Variants in CDH18 observed in about 807,000 individuals in gnomAD.
The protein encoded by CDH18 is cadherin 18, also known as cadherin-18.
Under a neutral mutation model 67.9 loss-of-function variants are expected in CDH18, and 31 were observed. The ratio of observed to expected loss-of-function variants is 0.46; its 90% confidence interval spans 0.34 to 0.62. CDH18 has a LOEUF of 0.62. Ranked by LOEUF, CDH18 falls within the 20% of genes least tolerant of loss-of-function variation. The pLI is 0.01. For synonymous variants in CDH18, 362 were observed against 347.2 expected, an observed-to-expected ratio of 1.04 and a Z score of -0.48; for missense variants, 890 against 975.5, an observed-to-expected ratio of 0.91 and a Z score of 1.17.
intron 4 of CDH18, among the ~76,000 whole-genome samples, chr5:19,733,213 A>G (rs1298893944): frequency 6.6e-6 from 1 of 152,186 alleles, no homozygotes; most frequent in Non-Finnish European, 1.5e-5. Context: ...CACAGACCAG[A>G]TAGAGAACCT....
chr5:19,758,819 C>T lies in CDH18; in HGVS notation c.229-11583G>A, dbSNP rs368079451. Among the ~76,000 whole-genome samples the T allele has an allele frequency of 1.3e-4, 20 of 152,316 alleles. No individual in the cohort carries two copies. The East Asian group carries it at 1.7e-3, about 13-fold the overall frequency. Reference sequence around the variant, plus strand: ...TGGATTTATTCCCCATCCTCTGGCACGCAAATGTCTCACCAATAAGTCCAC... The same window carrying T: ...TGGATTTATTCCCCATCCTCTGGCATGCAAATGTCTCACCAATAAGTCCAC... On this transcript the variant is annotated intron_variant, in intron 3 of 12. Transcript: ENST00000382275.
chr5:20,013,652 T>C (rs1270148802), intron 2 of CDH18, among the ~76,000 whole-genome samples: 3 of 152,116 alleles, frequency 2.0e-5, no homozygotes, highest in African/African-American at 4.8e-5. Flanking sequence ...ATTTTCTCAA[T>C]TTAGATGTAT....
intron 5 of CDH18, among the ~76,000 whole-genome samples, chr5:19,637,362 A>T (rs1239949625): frequency 6.6e-6 from 1 of 151,742 alleles, no homozygotes; most frequent in Admixed American, 6.6e-5. Flanking sequence ...CACGGCTGCC[A>T]TGCCAACTCG....
intron 2 of CDH18, among the ~76,000 whole-genome samples, chr5:20,232,868 T>C (rs1216941777): frequency 6.6e-6 from 1 of 152,030 alleles, no homozygotes; most frequent in Non-Finnish European, 1.5e-5. Context: ...CTATTTATAA[T>C]TTTGACTTTG....
intron 1 of CDH18, among the ~76,000 whole-genome samples, chr5:20,456,264 A>T (rs977922345): frequency 4.6e-5 from 7 of 152,108 alleles, no homozygotes; most frequent in Non-Finnish European, 5.9e-5. Context: ...AGAAATAAAT[A>T]TGTCCTTATT....
At chr5:19,870,165 C>T (rs1786087348) in intron 2 of CDH18, among the ~76,000 whole-genome samples, 1 of 152,036 alleles carries the variant, frequency 6.6e-6, no homozygotes, top group South Asian at 2.1e-4. Flanking sequence ...TTTTTGACAA[C>T]CAATATATTC....
chr5:20,004,009 G>A (rs753620117), intron 2 of CDH18, among the ~76,000 whole-genome samples: 3 of 152,110 alleles, frequency 2.0e-5, no homozygotes, highest in Non-Finnish European at 4.4e-5. Context: ...CTAATATATC[G>A]TTTTTTGTAT....
intron 1 of CDH18, among the ~76,000 whole-genome samples, chr5:20,344,453 A>C (rs918225739): frequency 1.3e-5 from 2 of 151,992 alleles, no homozygotes; most frequent in Non-Finnish European, 2.9e-5. Context: ...CATTCCCATG[A>C]CAGAAAGAGC....
rs573554584 is a variant in CDH18 at position 19,820,288 on chromosome 5, C to T, written c.228+18471G>A. ...AGAACACCCAGAGTGACCTAGCAAT[C>T]CGGGCACAGAAGGTTTGGCACAAAA... On this transcript the variant is annotated intron_variant, in intron 3 of 12. Transcript: ENST00000382275. 1.1e-4 allele frequency among the ~76,000 whole-genome samples: 17 copies of T among 152,266 alleles called. No homozygotes were observed. In the East Asian group the frequency reaches 3.1e-3, roughly 28 times the overall value.
At chr5:20,071,245 G>T (rs564320021) in intron 2 of CDH18, among the ~76,000 whole-genome samples, 1 of 152,110 alleles carries the variant, frequency 6.6e-6, no homozygotes, top group East Asian at 1.9e-4. Flanking sequence ...CACTGAAACA[G>T]TATTGAAGAT....
At chr5:20,572,036 A>C (rs1581217821) in intron 1 of CDH18, among the ~76,000 whole-genome samples, 1 of 152,258 alleles carries the variant, frequency 6.6e-6, no homozygotes, top group East Asian at 1.9e-4. Context: ...CATGGCTTTC[A>C]AAAGTGATAA....
chr5:20,013,435 G>T (rs1173295067), intron 2 of CDH18, among the ~76,000 whole-genome samples: 1 of 151,878 alleles, frequency 6.6e-6, no homozygotes, highest in African/African-American at 2.4e-5. Flanking sequence ...TCAAAAATAG[G>T]GCTTGACTTA....
intron 1 of CDH18, among the ~76,000 whole-genome samples, chr5:20,340,341 C>T (rs986048483): frequency 2.6e-5 from 4 of 152,138 alleles, no homozygotes; most frequent in African/African-American, 9.7e-5. Flanking sequence ...TCTTTTACAA[C>T]AGGCACGAGG....
intron 5 of CDH18, among the ~76,000 whole-genome samples, chr5:19,692,802 C>T (rs1219833379): frequency 6.6e-6 from 1 of 151,432 alleles, no homozygotes; most frequent in Non-Finnish European, 1.5e-5. Flanking sequence ...TGAGTAGATT[C>T]ATTATGTACA....
At chr5:20,117,861 T>G (rs1748048761) in intron 2 of CDH18, among the ~76,000 whole-genome samples, 1 of 152,212 alleles carries the variant, frequency 6.6e-6, no homozygotes, top group South Asian at 2.1e-4. Flanking sequence ...ATTAACTTTT[T>G]TTAAAAGAAT....
At chr5:20,452,400 A>G (rs1750518300) in intron 1 of CDH18, among the ~76,000 whole-genome samples, 1 of 152,174 alleles carries the variant, frequency 6.6e-6, no homozygotes. Flanking sequence ...GGATAAAAAC[A>G]TACACACCAT....
intron 2 of CDH18, among the ~76,000 whole-genome samples, chr5:19,873,988 C>A (rs901681998): frequency 6.6e-6 from 1 of 152,124 alleles, no homozygotes; most frequent in Admixed American, 6.5e-5. Flanking sequence ...AAATAATTTT[C>A]TCTTCAGTTT....
intron 1 of CDH18, among the ~76,000 whole-genome samples, chr5:20,508,306 T>C (rs1039970549): frequency 6.9e-6 from 1 of 144,396 alleles, no homozygotes; most frequent in Admixed American, 7.0e-5. Context: ...ACACCTTACA[T>C]AGTTTTATGA....
At chr5:20,056,549 T>C (rs13176397) in intron 2 of CDH18, among the ~76,000 whole-genome samples, 2 of 143,830 alleles carry the variant, frequency 1.4e-5, no homozygotes, top group African/African-American at 5.1e-5. Context: ...TATGTAAATG[T>C]GATATTAATT....
Sources: allele counts gnomAD v4.1 joint callset (sites outside exome capture counted in the v4.1 genomes callset), GRCh38; gene constraint gnomAD v4.1.1; transcripts MANE v1.5; gene names NCBI Gene and HGNC (gene_info 2026-07-23, HGNC 2026-07-21).